Variants in DPP8 observed in about 807,000 individuals in gnomAD.
DPP8 encodes dipeptidyl peptidase 8.
DPP8 carries 31 observed loss-of-function variants against 107.5 expected under a neutral mutation model. That is an observed-to-expected ratio of 0.29 (90% CI 0.22 to 0.39). DPP8 has a LOEUF of 0.39. DPP8 is among the 10% of genes least tolerant of loss of function. The pLI is 1.00. For missense variants in DPP8, 842 were observed against 1,076.1 expected, an observed-to-expected ratio of 0.78 and a Z score of 3.04; for synonymous variants, 381 against 356.6, an observed-to-expected ratio of 1.07 and a Z score of -0.77.
Position 65,444,282 on chromosome 15 carries a change from T to C in DPP8, c.*2602A>G, listed in dbSNP as rs1249098992. 1 of 152,206 alleles carries C rather than the reference T, an allele frequency of 6.6e-6. No individual in the cohort carries two copies. The highest frequency in any genetic ancestry group is 2.4e-5 in the African/African-American group (1 of 41,446). 9.4% of individuals were successfully genotyped at this position (152,206 alleles called of 1,614,324 possible). A position where few individuals can be genotyped will look rare whatever the true frequency, so the allele number is the denominator to read the frequency against. On this transcript the variant is annotated 3_prime_UTR_variant, in exon 20 of 20. Coordinates refer to ENST00000300141, the MANE Select transcript of DPP8 (RefSeq NM_130434.5). ...ACATTTCTTTTAGAAGTATCCCAGA[T>C]GAATCTTAGATTTTGAGTTCCACTA... is the stretch of plus-strand genomic sequence containing the variant.
chr15:65,475,450 G>A (rs1205778203), intron 11 of DPP8: 14 of 1,569,196 alleles, frequency 8.9e-6, no homozygotes, highest in Non-Finnish European at 1.1e-5. Flanking sequence ...CAGGGAGCCA[G>A]GGTCCAGAGC....
chr15:65,451,617 T>A (rs2063980633), intron 18 of DPP8, among the ~76,000 whole-genome samples: 1 of 152,202 alleles, frequency 6.6e-6, no homozygotes, highest in Admixed American at 6.5e-5. Flanking sequence ...TGAAAATTTA[T>A]AATCTTCATT....
intron 6 of DPP8, among the ~76,000 whole-genome samples, chr15:65,489,820 C>A (rs1446874908): frequency 2.6e-5 from 4 of 151,788 alleles, no homozygotes; most frequent in Admixed American, 1.3e-4. Flanking sequence ...TGGGTTCAGG[C>A]GATTCTCCTG....
At chr15:65,466,990 A>G in intron 13 of DPP8, 81 bp downstream of exon 13, 1 of 1,547,802 alleles carries the variant, frequency 6.5e-7, no homozygotes, top group South Asian at 1.2e-5. Context: ...TTGCAGGCCA[A>G]TTTCACATCA....
At chr15:65,465,459 C>T (rs1374750887) in intron 14 of DPP8, among the ~76,000 whole-genome samples, 2 of 151,908 alleles carry the variant, frequency 1.3e-5, no homozygotes, top group Non-Finnish European at 2.9e-5. Context: ...TGAGCCACTA[C>T]GCCTGGCCTA....
At position 65,461,211 on chromosome 15, in the gene DPP8, T is replaced by C. The variant is rs1037695513; in HGVS notation, c.1971+2550A>G. Among the ~76,000 whole-genome samples the C allele has an allele frequency of 2.0e-5, 3 of 152,166 alleles. No individual in the cohort carries two copies. In the East Asian group the frequency reaches 5.8e-4, roughly 29 times the overall value. ...CCAGGCTGGAGTATAGCGGCATGAT[T>C]ATGACTCACTGCAACCTCGAACTCC... On this transcript the variant is annotated intron_variant, in intron 15 of 19. Transcript: ENST00000300141.
intron 5 of DPP8, among the ~76,000 whole-genome samples, chr15:65,493,947 C>T (rs1484593469): frequency 6.7e-6 from 1 of 150,082 alleles, no homozygotes; most frequent in African/African-American, 2.5e-5. Context: ...CACATACTTA[C>T]ACAACAGTTA....
intron 1 of DPP8, chr15:65,512,799 T>C (rs939661864): frequency 5.9e-6 from 3 of 504,754 alleles, no homozygotes; most frequent in Non-Finnish European, 3.5e-6. Flanking sequence ...TGCCTATAAA[T>C]CCCTTTGGTA....
At position 65,481,609 on chromosome 15, in the gene DPP8, C is replaced by A; in HGVS notation, c.1024G>T (p.Asp342Tyr). 1 of 1,445,210 alleles carries A rather than the reference C, an allele frequency of 6.9e-7. No individual in the cohort carries two copies. Among genetic ancestry groups the A allele is most frequent in the Non-Finnish European group, 9.4e-7 (1 of 1,066,222 alleles). The allele number at this position is 1,445,210 out of a possible 1,614,324, so 89.5% of individuals were successfully genotyped here. The change falls in exon 9 of 20, where the codon GAT becomes TAT. Residue 342 changes from aspartate to tyrosine, a missense_variant. This residue lies in a region of DPP8 where 663 missense variants were observed against 758.0 expected (regional missense o/e 0.87). Coordinates refer to ENST00000300141, the MANE Select transcript of DPP8 (RefSeq NM_130434.5). The stretch of plus-strand genomic sequence containing the variant: ...TGAATTAGTTCCTTATCTATGACAT[C>A]TATGATCTATTAAAAAAGAAAAAAA... ...IMIDAEGRIIDVIDKELIQPF... is the reference protein window; with the variant it reads ...IMIDAEGRIIYVIDKELIQPF...
chr15:65,470,715 T>C (rs1365164316), intron 12 of DPP8, among the ~76,000 whole-genome samples: 2 of 151,552 alleles, frequency 1.3e-5, no homozygotes, highest in African/African-American at 4.9e-5. Flanking sequence ...GGTCACGGGT[T>C]CAAGACCCTC....
intron 17 of DPP8, among the ~76,000 whole-genome samples, chr15:65,453,257 C>T (rs1408832021): frequency 6.6e-6 from 1 of 152,154 alleles, no homozygotes; most frequent in Non-Finnish European, 1.5e-5. Context: ...CAAACAGGTC[C>T]CTGCCCTCAT....
intron 18 of DPP8, 55 bp downstream of exon 18, chr15:65,451,905 A>T: frequency 6.7e-7 from 1 of 1,484,468 alleles, no homozygotes; most frequent in Non-Finnish European, 8.9e-7. Context: ...AGCCTAAGTG[A>T]CAGAGTGAGA....
At chr15:65,454,235 A>G (rs2064216681) in intron 17 of DPP8, 28 bp downstream of exon 17, 1 of 1,437,984 alleles carries the variant, frequency 7.0e-7, no homozygotes, top group Non-Finnish European at 9.1e-7. Context: ...CCTTATTGCA[A>G]AAATGAGTAT....
At position 65,486,522 on chromosome 15, in the gene DPP8, C is replaced by T. The variant is rs566896784; in HGVS notation, c.955+1168G>A. Among the ~76,000 whole-genome samples the T allele has an allele frequency of 1.0e-3, 152 of 152,198 alleles. 1 individual carries two copies. Among genetic ancestry groups the T allele is most frequent in the Non-Finnish European group, 1.8e-3 (122 of 68,016 alleles). ...TGAGCCAAGATCACACCACTGCATT[C>T]CAGCCTGAATGACACAGCAAGACAC... On this transcript the variant is annotated intron_variant, in intron 7 of 19. Transcript: ENST00000300141.
At chr15:65,477,173 C>A (rs984243057) in intron 11 of DPP8, among the ~76,000 whole-genome samples, 1 of 152,110 alleles carries the variant, frequency 6.6e-6, no homozygotes, top group Non-Finnish European at 1.5e-5. Flanking sequence ...GTAATCCCAG[C>A]ATTTTGGGAG....
intron 14 of DPP8, among the ~76,000 whole-genome samples, 171 bp from the exon 15 acceptor site, chr15:65,464,077 A>C (rs1235694772): frequency 2.6e-5 from 4 of 152,092 alleles, no homozygotes; most frequent in Non-Finnish European, 5.9e-5. Context: ...TTAAAAACAA[A>C]ACTAGGCCGG....
intron 2 of DPP8, 23 bp from the exon 3 acceptor site, chr15:65,507,378 A>G: frequency 6.8e-7 from 1 of 1,468,542 alleles, no homozygotes. Context: ...GCAATCATTT[A>G]TTATTATTTT....
chr15:65,513,464 G>A (rs886967951), intron 1 of DPP8, among the ~76,000 whole-genome samples: 10 of 151,970 alleles, frequency 6.6e-5, no homozygotes, highest in East Asian at 1.9e-4. Flanking sequence ...CACCCGCCTC[G>A]GCCTCCCAAA....
chr15:65,512,442 C>G lies in DPP8; in HGVS notation c.112G>C (p.Glu38Gln). Residue 38 changes from glutamate (E) to glutamine (Q), a missense_variant, in exon 2 of 20, where the codon GAG (glutamate) becomes CAG (glutamine). Coordinates refer to ENST00000300141, the MANE Select transcript of DPP8 (RefSeq NM_130434.5). Reference sequence around the variant, plus strand: ...TTAAGCTGACTCCAGGAATACCGCTCAACATAAAAAGGCTCCAATTTAGGC... The same window carrying G: ...TTAAGCTGACTCCAGGAATACCGCTGAACATAAAAAGGCTCCAATTTAGGC... ...DRPKLEPFYV[E>Q]RYSWSQLKKL... 6.2e-7 allele frequency: 1 copy of G among 1,614,108 alleles called. No individual in the cohort carries two copies. The highest frequency in any genetic ancestry group is 8.5e-7 in the Non-Finnish European group (1 of 1,180,022).
Sources: allele counts gnomAD v4.1 joint callset (sites outside exome capture counted in the v4.1 genomes callset), GRCh38; gene constraint gnomAD v4.1.1; regional missense constraint gnomAD v4.1.1; transcripts MANE v1.5; gene names NCBI Gene and HGNC (gene_info 2026-07-23, HGNC 2026-07-21).